Variants in LRIG3 observed in about 807,000 individuals in gnomAD.
LRIG3 encodes the protein leucine-rich repeats and immunoglobulin-like domains protein 3.
In LRIG3, 76 loss-of-function variants were observed where a neutral mutation model predicts 114.5. The ratio of observed to expected loss-of-function variants is 0.66; its 90% CI spans 0.55 to 0.80. The LOEUF is 0.80. Among genes scored for constraint, LRIG3 ranks in the 30% least tolerant of loss-of-function variants. The probability of loss-of-function intolerance (pLI) is 0.00; values close to 1 mark genes in which losing one functional copy is unlikely to be tolerated. For missense variants in LRIG3, 1,239 were observed against 1,382.8 expected (o/e 0.90, Z 1.65); for synonymous variants, 512 against 519.8 (o/e 0.98, Z 0.20).
At chr12:58,901,891 A>G (rs2167030) in intron 3 of LRIG3, among the ~76,000 whole-genome samples, 11,611 of 152,284 alleles carry the variant, frequency 0.076, 510 homozygotes, top group East Asian at 0.11. Flanking sequence ...AGGAGAGGGC[A>G]GTCAGACAAC....
chr12:58,903,919 A>G (rs1671207628), intron 3 of LRIG3, among the ~76,000 whole-genome samples: 1 of 151,856 alleles, frequency 6.6e-6, no homozygotes, highest in South Asian at 2.1e-4. Context: ...TGTTCCATTG[A>G]TCTATATCTC....
chr12:58,875,075 T>A (rs922497796), intron 16 of LRIG3, among the ~76,000 whole-genome samples: 2 of 152,178 alleles, frequency 1.3e-5, no homozygotes, highest in African/African-American at 4.8e-5. Flanking sequence ...CGATGACGCA[T>A]GTGTCTGGGA....
intron 1 of LRIG3, among the ~76,000 whole-genome samples, chr12:58,915,734 A>T (rs1266562284): frequency 6.6e-6 from 1 of 152,110 alleles, no homozygotes; most frequent in Non-Finnish European, 1.5e-5. Context: ...CGCTGGCTGG[A>T]GCCAGACACT....
chr12:58,908,229 T>C (rs368815779), intron 3 of LRIG3, among the ~76,000 whole-genome samples: 9 of 152,224 alleles, frequency 5.9e-5, no homozygotes, highest in African/African-American at 2.2e-4. Flanking sequence ...AGATCTCTTA[T>C]GACACCAGCA....
At chr12:58,877,318 C>T in intron 15 of LRIG3, 82 bp downstream of exon 15, 1 of 1,402,268 alleles carries the variant, frequency 7.1e-7, no homozygotes, top group Non-Finnish European at 9.8e-7. Context: ...ACTCAGACTG[C>T]AAGACACACG....
At position 58,877,727 on chromosome 12, in the gene LRIG3, A is replaced by G. The variant is rs1870976021; in HGVS notation, c.2209T>C (p.Leu737=). The change falls in exon 15 of 19, where the codon TTG becomes CTG. Residue 737 remains leucine, a synonymous_variant. Transcript: ENST00000320743. ...AAAAAGTGCCTCTCGGTTACCACCA[A>G]TGGGCTATCATCTTTGGTCCAGTTC... ...KLNWTKDDSP[L]VVTERHFFAA... is the part of the protein sequence containing the mutation. 3 of 1,614,092 alleles carry G rather than the reference A, an allele frequency of 1.9e-6. No homozygotes were observed. Among genetic ancestry groups the G allele is most frequent in the South Asian group, 1.1e-5 (1 of 91,094 alleles).
intron 1 of LRIG3, 141 bp downstream of exon 1, chr12:58,919,859 C>G: frequency 1.1e-6 from 1 of 928,848 alleles, no homozygotes; most frequent in Non-Finnish European, 1.6e-6. Flanking sequence ...TCCACGCCCA[C>G]GGAGCGCCGA....
At chr12:58,902,273 A>C (rs1447307999) in intron 3 of LRIG3, among the ~76,000 whole-genome samples, 1 of 151,962 alleles carries the variant, frequency 6.6e-6, no homozygotes, top group Non-Finnish European at 1.5e-5. Context: ...CTTAAAAAAA[A>C]AATGTAAAAA....
chr12:58,907,669 C>T (rs1872116056), intron 3 of LRIG3, among the ~76,000 whole-genome samples: 1 of 152,148 alleles, frequency 6.6e-6, no homozygotes, highest in Admixed American at 6.5e-5. Context: ...AGACTGTTTT[C>T]ACAGATAAAC....
At chr12:58,884,691 C>T (rs950538930) in intron 10 of LRIG3, among the ~76,000 whole-genome samples, 5 of 152,290 alleles carry the variant, frequency 3.3e-5, no homozygotes, top group South Asian at 2.1e-4. Context: ...ATCCAAGTCT[C>T]CCTCAGAGGA....
chr12:58,880,431 T>A, intron 13 of LRIG3, 150 bp downstream of exon 13: 1 of 828,106 alleles, frequency 1.2e-6, no homozygotes, highest in Non-Finnish European at 2.0e-6. Flanking sequence ...ACCAAGAATC[T>A]TAATTTTGTG....
intron 3 of LRIG3, among the ~76,000 whole-genome samples, chr12:58,908,150 C>T (rs931263549): frequency 6.6e-6 from 1 of 152,178 alleles, no homozygotes; most frequent in Non-Finnish European, 1.5e-5. Context: ...GTGATGGAAC[C>T]ACATCTCGCG....
At chr12:58,904,860 G>T (rs765110001) in intron 3 of LRIG3, among the ~76,000 whole-genome samples, 21 of 152,170 alleles carry the variant, frequency 1.4e-4, no homozygotes, top group Non-Finnish European at 2.9e-4. Flanking sequence ...ATTTCATTTT[G>T]GTGGGGGAAA....
intron 5 of LRIG3, among the ~76,000 whole-genome samples, chr12:58,889,412 C>T (rs1242751904): frequency 6.6e-6 from 1 of 152,156 alleles, no homozygotes; most frequent in Non-Finnish European, 1.5e-5. Context: ...GGCAGTAGTT[C>T]TCAGCCTTGG....
intron 3 of LRIG3, among the ~76,000 whole-genome samples, chr12:58,892,294 A>G (rs1337898428): frequency 6.6e-6 from 1 of 152,238 alleles, no homozygotes. Context: ...TTACAACGCG[A>G]GAAACAATGA....
In LRIG3 at chr12:58,907,282, G is replaced by C. The variant is rs190321040; in HGVS notation, c.383+6700C>G. Among the ~76,000 whole-genome samples the C allele has an allele frequency of 1.2e-3, 190 of 152,314 alleles. 1 individual carries two copies. Among genetic ancestry groups the C allele is most frequent in the African/African-American group, 4.4e-3 (182 of 41,558 alleles). ...AGGCATTGTTGCTGGGCATTCTGAA[G>C]AGCTTGAAATTCACCTTATAGATAC... On this transcript the variant is annotated intron_variant, in intron 3 of 18. Coordinates refer to ENST00000320743, the MANE Select transcript of LRIG3 (RefSeq NM_153377.5).
chr12:58,913,214 T>G (rs1872349701), intron 3 of LRIG3, among the ~76,000 whole-genome samples: 1 of 152,224 alleles, frequency 6.6e-6, no homozygotes, highest in South Asian at 2.1e-4. Context: ...AGAAAAACAT[T>G]TTTTAACATC....
At chr12:58,876,397 C>G in intron 16 of LRIG3, 48 bp downstream of exon 16, 1 of 1,587,800 alleles carries the variant, frequency 6.3e-7, no homozygotes, top group Non-Finnish European at 8.6e-7. Flanking sequence ...AGCCTTCCAC[C>G]ATATGACTTC....
chr12:58,887,900 T>C lies in LRIG3; in HGVS notation c.980A>G (p.Asp327Gly). Residue 327 changes from aspartate to glycine, a missense_variant, in exon 8 of 19, where the codon GAT (aspartate) becomes GGT (glycine). Asp to Gly is a moderately conservative substitution (Grantham distance 94, BLOSUM62 -1). Coordinates refer to ENST00000320743, the MANE Select transcript of LRIG3 (RefSeq NM_153377.5). Reference protein sequence around the residue: ...DLTFNHLSRLDDSSFLGLSLL... With the variant: ...DLTFNHLSRLGDSSFLGLSLL... The stretch of plus-strand genomic sequence containing the variant: ...GCTTAGGCCAAGGAAGCTTGAATCA[T>C]CTAACCTTGATAAGTGATTGAAAGT... The C allele has an allele frequency of 6.2e-7, 1 of 1,613,800 alleles. No homozygotes were observed. The highest frequency in any genetic ancestry group is 1.1e-5 in the South Asian group (1 of 91,044).
Sources: allele counts gnomAD v4.1 joint callset (sites outside exome capture counted in the v4.1 genomes callset), GRCh38; gene constraint gnomAD v4.1.1; transcripts MANE v1.5; gene names NCBI Gene and HGNC (gene_info 2026-07-23, HGNC 2026-07-21).